The following ASB2 variants were observed in gnomAD, a reference collection of about 807,000 sequenced individuals.
The protein encoded by ASB2 is ankyrin repeat and SOCS box protein 2.
Under a neutral mutation model 62.4 loss-of-function variants are expected in ASB2, and 58 were observed. The ratio of observed to expected loss-of-function variants is 0.93; its 90% CI spans 0.75 to 1.16. The LOEUF (loss-of-function observed/expected upper bound fraction) is 1.16. ASB2 is among the 50% of genes most tolerant of loss of function. The pLI, the probability that ASB2 is intolerant of heterozygous loss-of-function variation, is 0.00. For missense variants in ASB2, 928 were observed against 887.9 expected (o/e 1.05, Z -0.57); for synonymous variants, 386 against 385.3 (o/e 1.00, Z -0.02).
chr14:93,939,550 C>G lies in ASB2; in HGVS notation c.1175G>C (p.Arg392Pro). 6.3e-7 allele frequency: 1 copy of G among 1,598,694 alleles called. No homozygotes were observed. Among genetic ancestry groups the G allele is most frequent in the South Asian group, 1.1e-5 (1 of 90,012 alleles). ...DEVLEALLSA[R>P]FDVNTPLAPE... ...GGCCAGCGGCGTGTTCACGTCGAAG[C>G]GCGCGCTCAGCAGCGCCTCCAGCAC... Residue 392 changes from arginine to proline, a missense_variant, in exon 8 of 10, where the codon CGC (arginine) becomes CCC (proline). Transcript: ENST00000555019.
chr14:93,946,024 C>T (rs1888709384), intron 7 of ASB2, among the ~76,000 whole-genome samples: 1 of 152,034 alleles, frequency 6.6e-6, no homozygotes, highest in Non-Finnish European at 1.5e-5. Context: ...GTTTCCTCTT[C>T]AAAATAAATT....
chr14:93,957,989 C>T (rs541718737), intron 2 of ASB2, among the ~76,000 whole-genome samples: 55 of 152,196 alleles, frequency 3.6e-4, no homozygotes, highest in African/African-American at 1.3e-3. Flanking sequence ...TGAGAAGCAC[C>T]CACACTCTTT....
chr14:93,947,882 T>TACTC (rs1341102388), intron 6 of ASB2, among the ~76,000 whole-genome samples: 1 of 147,984 alleles, frequency 6.8e-6, no homozygotes, highest in African/African-American at 2.5e-5. Flanking sequence ...TAATCCCAGC[T>TACTC]ACTCGGGAGG....
chr14:93,939,619 C>T lies in ASB2; in HGVS notation c.1106G>A (p.Gly369Asp). 1 of 1,549,012 alleles carries T rather than the reference C, an allele frequency of 6.5e-7. No individual in the cohort carries two copies. Among genetic ancestry groups the T allele is most frequent in the Non-Finnish European group, 8.7e-7 (1 of 1,154,980 alleles). The stretch of plus-strand genomic sequence containing the variant: ...GGCCGCCAGGTGCAGCGGACTGACG[C>T]CGCTACGGCGTATGCGCGTGCGGCT... ...VTSRTRIRRSGVSPLHLAAER... is the reference protein window; with the variant it reads ...VTSRTRIRRSDVSPLHLAAER... The change falls in exon 8 of 10, where the codon GGC becomes GAC. Residue 369 changes from glycine to aspartate, a missense_variant. Coordinates refer to ENST00000555019, the MANE Select transcript of ASB2 (RefSeq NM_001202429.2).
At chr14:93,948,861 A>G (rs940977511) in intron 6 of ASB2, among the ~76,000 whole-genome samples, 42 of 152,238 alleles carry the variant, frequency 2.8e-4, no homozygotes, top group African/African-American at 1.0e-3. Context: ...ACTTGAGCCC[A>G]GGAGGTTGAT....
chr14:93,956,163 G>A (rs1217296441), intron 3 of ASB2, among the ~76,000 whole-genome samples: 3 of 152,188 alleles, frequency 2.0e-5, no homozygotes, highest in African/African-American at 4.8e-5. Context: ...AGAGAGGGGA[G>A]GGAGGCAGAA....
Position 93,938,233 on chromosome 14 carries a change from C to CTTT in ASB2, c.1618-385_1618-383dup, listed in dbSNP as rs35127276. On this transcript the variant is annotated intron_variant, in intron 8 of 9. Transcript: ENST00000555019. Reference sequence around the variant, plus strand: ...TGTCTAACTTCCTTTTAAGTTCTGACTTTTTTTTTTTTTTTTTTTTTTTTT... The same window carrying CTTT: ...TGTCTAACTTCCTTTTAAGTTCTGACTTTTTTTTTTTTTTTTTTTTTTTTTTTT... 7.8e-3 allele frequency among the ~76,000 whole-genome samples: 525 copies of CTTT among 67,608 alleles called. 51 individuals carry two copies. Among genetic ancestry groups the CTTT allele is most frequent in the African/African-American group, 0.028 (476 of 16,822 alleles). 44.4% of individuals were successfully genotyped at this position (67,608 alleles called of 152,430 possible). A position where few individuals can be genotyped will look rare whatever the true frequency, so the allele number is the denominator to read the frequency against.
At chr14:93,944,753 T>C (rs907738470) in intron 7 of ASB2, among the ~76,000 whole-genome samples, 1 of 152,134 alleles carries the variant, frequency 6.6e-6, no homozygotes, top group Non-Finnish European at 1.5e-5. Flanking sequence ...AACCAGGGAA[T>C]TCGCCCTGGG....
chr14:93,955,319 A>G (rs1889146649), intron 3 of ASB2: 1 of 365,166 alleles, frequency 2.7e-6, no homozygotes, highest in Non-Finnish European at 5.4e-6. Flanking sequence ...CACTTCCTCC[A>G]GCGTGAGCAG....
rs1231238580 is a variant in ASB2 at position 93,964,377 on chromosome 14, C to T, written c.163G>A (p.Ala55Thr). 6.5e-7 allele frequency: 1 copy of T among 1,536,150 alleles called. No homozygotes were observed. The highest frequency in any genetic ancestry group is 2.0e-5 in the Admixed American group (1 of 50,998). Reference protein sequence around the residue: ...GPTTAEATASACTNRQPAHFY... With the variant: ...GPTTAEATASTCTNRQPAHFY... ...TGGGCAGGTTGGCGGTTGGTACATGCAGACGCGGTGGCCTCAGCAGTGGTT... is the reference window on the plus strand; with the variant it reads ...TGGGCAGGTTGGCGGTTGGTACATGTAGACGCGGTGGCCTCAGCAGTGGTT... Residue 55 changes from alanine (A) to threonine (T), a missense_variant, in exon 2 of 10, where the codon GCA becomes ACA. Transcript: ENST00000555019.
intron 8 of ASB2, 137 bp downstream of exon 8, chr14:93,938,971 C>A: frequency 1.3e-6 from 1 of 789,390 alleles, no homozygotes. Flanking sequence ...CCCACTTCCC[C>A]CGAAGGGTGT....
chr14:93,945,577 G>A (rs1410542438), intron 7 of ASB2, among the ~76,000 whole-genome samples: 2 of 152,226 alleles, frequency 1.3e-5, no homozygotes. Context: ...ATGAGGCTCA[G>A]CAAGGTTAAG....
At chr14:93,957,128 AC>A in intron 2 of ASB2, 7 of 1,340,182 alleles carry the variant, frequency 5.2e-6, no homozygotes, top group Non-Finnish European at 6.7e-6. Flanking sequence ...GGTTAACCTC[AC>A]CCCACCCCCC....
chr14:93,937,172 C>T (rs1036132277), intron 9 of ASB2, among the ~76,000 whole-genome samples: 29 of 152,204 alleles, frequency 1.9e-4, no homozygotes, highest in Admixed American at 1.7e-3. Flanking sequence ...GTCTCCCACA[C>T]CAGGGTGTTC....
intron 1 of ASB2, among the ~76,000 whole-genome samples, chr14:93,971,750 A>T (rs1280481135): frequency 6.6e-6 from 1 of 152,138 alleles, no homozygotes; most frequent in Non-Finnish European, 1.5e-5. Flanking sequence ...TCTATAGATG[A>T]GGAGACTGAG....
At position 93,937,798 on chromosome 14, in the gene ASB2, G is replaced by C. The variant is rs146138244; in HGVS notation, c.1671C>G (p.Ile557Met). 76 of 1,611,698 alleles carry C rather than the reference G, an allele frequency of 4.7e-5. No homozygotes were observed. The African/African-American group carries it at 8.8e-4, about 19-fold the overall frequency. ...PEVSRWAGPI[I>M]DVLLDYVGNV... ...TGCCCACGTAGTCCAGGAGGACATC[G>C]ATGATGGGCCCCGCCCAGCGGCTCA... Residue 557 changes from isoleucine (I) to methionine (M), a missense_variant, in exon 9 of 10, where the codon ATC becomes ATG. Coordinates refer to ENST00000555019, the MANE Select transcript of ASB2 (RefSeq NM_001202429.2).
chr14:93,951,017 T>G lies in ASB2; in HGVS notation c.862A>C (p.Arg288=). 6.2e-6 allele frequency: 10 copies of G among 1,613,828 alleles called. No homozygotes were observed. The highest frequency in any genetic ancestry group is 8.5e-6 in the Non-Finnish European group (10 of 1,179,914). The change falls in exon 6 of 10, where the codon AGG becomes CGG. Residue 288 remains arginine, a synonymous_variant. Transcript: ENST00000555019. ...AAQSGQLEAL[R]FLAKYGADIN... The stretch of plus-strand genomic sequence containing the variant: ...CACTCACCGTACTTGGCTAAGAACC[T>G]CAAGGCCTCCAACTGTCCACTCTGG...
intron 1 of ASB2, among the ~76,000 whole-genome samples, chr14:93,976,061 C>T (rs35008762): frequency 0.063 from 9,527 of 152,286 alleles, 326 homozygotes; most frequent in Non-Finnish European, 0.071. Context: ...TCTATCTGTG[C>T]GCCTGGCCTG....
At chr14:93,962,171 G>A (rs192012118) in intron 2 of ASB2, among the ~76,000 whole-genome samples, 1,383 of 97,724 alleles carry the variant, frequency 0.014, 36 homozygotes, top group African/African-American at 0.05. Flanking sequence ...CTGGAGTGCA[G>A]TGGCGGGATC....
Sources: gnomAD v4.1 joint callset for allele counts (sites outside exome capture counted in the v4.1 genomes callset) on GRCh38, gnomAD v4.1.1 for gene constraint, MANE v1.5 for transcripts, NCBI Gene and HGNC (gene_info 2026-07-23, HGNC 2026-07-21) for gene names.